JMJD1C: variants seen among roughly 807,000 people sequenced by gnomAD.
JMJD1C encodes jumonji domain containing 1C, also known as jumonji domain-containing protein 1C.
A neutral mutation model predicts 245.3 loss-of-function variants in JMJD1C; 31 were observed. That is an observed-to-expected ratio of 0.13 (90% CI 0.09 to 0.17). JMJD1C has a LOEUF of 0.17. JMJD1C is among the 10% of genes least tolerant of loss of function. The probability of loss-of-function intolerance (pLI) is 1.00; values close to 1 mark genes in which losing one functional copy is unlikely to be tolerated. For missense variants in JMJD1C, 2,691 were observed against 3,000.2 expected (o/e 0.90, Z 2.41); for synonymous variants, 1,057 against 1,017.4 (o/e 1.04, Z -0.74).
rs890746230 is a variant in JMJD1C, at chr10:63,202,814, G to A, written c.5075-2137C>T. ...AAATATTCAGAGCTTTTACAAGTTG[G>A]AATGAATGATAGAATTGTTATACTG... is the stretch of plus-strand genomic sequence containing the variant. On this transcript the variant is annotated intron_variant, in intron 10 of 25. Coordinates refer to ENST00000399262, the MANE Select transcript of JMJD1C (RefSeq NM_032776.3). 7 of 983,460 alleles carry A rather than the reference G, an allele frequency of 7.1e-6. No homozygotes were observed. The African/African-American group carries it at 1.0e-4, about 15-fold the overall frequency. 60.9% of individuals were successfully genotyped at this position (983,460 alleles called of 1,614,324 possible).
intron 2 of JMJD1C, among the ~76,000 whole-genome samples, chr10:63,316,551 G>A (rs1466249731): frequency 4.6e-5 from 7 of 152,010 alleles, no homozygotes; most frequent in Admixed American, 1.3e-4. Context: ...GTGTTCAAGC[G>A]ATTCTCCTGC....
intron 1 of JMJD1C, among the ~76,000 whole-genome samples, chr10:63,426,792 T>C (rs1950466894): frequency 6.6e-6 from 1 of 152,202 alleles, no homozygotes; most frequent in African/African-American, 2.4e-5. Flanking sequence ...CCACTAGTTT[T>C]AGAAGTCTTA....
chr10:63,181,698 C>T (rs1425084330), intron 22 of JMJD1C, among the ~76,000 whole-genome samples: 1 of 152,084 alleles, frequency 6.6e-6, no homozygotes, highest in Non-Finnish European at 1.5e-5. Context: ...GGGGGATATG[C>T]ATAAACAAAG....
intron 1 of JMJD1C, among the ~76,000 whole-genome samples, chr10:63,500,754 T>TGAATGGAC: frequency 6.7e-6 from 1 of 149,308 alleles, no homozygotes; most frequent in South Asian, 2.3e-4. Flanking sequence ...GAAGGATGGA[T>TGAATGGAC]GGATGGATGG....
At chr10:63,334,065 G>A (rs1356377902) in intron 2 of JMJD1C, among the ~76,000 whole-genome samples, 1 of 152,180 alleles carries the variant, frequency 6.6e-6, no homozygotes, top group Non-Finnish European at 1.5e-5. Context: ...TTCAGAGACT[G>A]TACTGACACA....
intron 2 of JMJD1C, among the ~76,000 whole-genome samples, chr10:63,273,808 G>C (rs1462057504): frequency 6.6e-6 from 1 of 152,106 alleles, no homozygotes; most frequent in African/African-American, 2.4e-5. Context: ...ATCAACACAG[G>C]TCAGAAGGTA....
At chr10:63,203,988 T>G (rs1341641887) in intron 10 of JMJD1C, 1 of 983,532 alleles carries the variant, frequency 1.0e-6, no homozygotes, top group African/African-American at 1.7e-5. Context: ...ACTCCCAACT[T>G]AAAGAACTTT....
chr10:63,377,361 G>GAAAGATCA (rs1356546307), intron 2 of JMJD1C, among the ~76,000 whole-genome samples: 1 of 152,102 alleles, frequency 6.6e-6, no homozygotes, highest in Admixed American at 6.6e-5. Context: ...TACTACCAAT[G>GAAAGATCA]ACCCGTGTAC....
chr10:63,279,462 T>C (rs539109134), intron 2 of JMJD1C, among the ~76,000 whole-genome samples: 1 of 152,098 alleles, frequency 6.6e-6, no homozygotes, highest in Non-Finnish European at 1.5e-5. Context: ...ACTACTCAAG[T>C]AGAATGTACA....
At chr10:63,182,733 A>C (rs1370755202) in intron 22 of JMJD1C, among the ~76,000 whole-genome samples, 1 of 152,174 alleles carries the variant, frequency 6.6e-6, no homozygotes, top group Non-Finnish European at 1.5e-5. Context: ...ATAGAAAGAG[A>C]AAAGACCCCC....
chr10:63,170,239 A>G (rs1458230062), intron 24 of JMJD1C, among the ~76,000 whole-genome samples: 2 of 152,150 alleles, frequency 1.3e-5, no homozygotes, highest in Non-Finnish European at 2.9e-5. Context: ...TAGTAAGTCC[A>G]ATGTCTGGGC....
chr10:63,427,389 C>A, intron 1 of JMJD1C: 1 of 1,099,662 alleles, frequency 9.1e-7, no homozygotes, highest in South Asian at 1.3e-5. Flanking sequence ...ATCCCTATAG[C>A]AAACATGTCT....
chr10:63,205,285 T>C (rs571945641), intron 10 of JMJD1C, among the ~76,000 whole-genome samples: 16 of 152,314 alleles, frequency 1.1e-4, no homozygotes, highest in African/African-American at 2.9e-4. Context: ...ATTAAATAGA[T>C]AGTAATTTCC....
intron 3 of JMJD1C, among the ~76,000 whole-genome samples, chr10:63,263,959 TACAC>T (rs746833882): frequency 0.072 from 6,009 of 82,886 alleles, 271 homozygotes; most frequent in East Asian, 0.14. Flanking sequence ...AAAATACACA[TACAC>T]ACACACACAC....
At chr10:63,257,939 G>A (rs555545833) in intron 3 of JMJD1C, among the ~76,000 whole-genome samples, 2 of 152,088 alleles carry the variant, frequency 1.3e-5, no homozygotes, top group East Asian at 3.9e-4. Flanking sequence ...AGAAAAAAAT[G>A]CTAAGAGTTC....
chr10:63,243,901 C>G (rs971058115), intron 3 of JMJD1C, among the ~76,000 whole-genome samples: 1 of 152,102 alleles, frequency 6.6e-6, no homozygotes, highest in Non-Finnish European at 1.5e-5. Flanking sequence ...ATCTGCAGTG[C>G]CCCTCCCAGC....
chr10:63,288,328 T>C (rs1858220412), intron 2 of JMJD1C, among the ~76,000 whole-genome samples: 1 of 152,234 alleles, frequency 6.6e-6, no homozygotes, highest in Non-Finnish European at 1.5e-5. Flanking sequence ...TAATAGCACA[T>C]TTCTTTTTAG....
At chr10:63,182,551 G>A (rs1036644389) in intron 22 of JMJD1C, among the ~76,000 whole-genome samples, 7 of 152,086 alleles carry the variant, frequency 4.6e-5, no homozygotes, top group African/African-American at 1.7e-4. Flanking sequence ...GCTTTCTTTC[G>A]AGAAAGAAAA....
chr10:63,177,482 A>G (rs895808447), intron 23 of JMJD1C: 3 of 495,038 alleles, frequency 6.1e-6, no homozygotes, highest in Non-Finnish European at 1.1e-5. Flanking sequence ...TTAACAGGGA[A>G]TGGAGGCACA....
Sources: allele counts gnomAD v4.1 joint callset (sites outside exome capture counted in the v4.1 genomes callset), GRCh38; gene constraint gnomAD v4.1.1; transcripts MANE v1.5; gene names NCBI Gene and HGNC (gene_info 2026-07-23, HGNC 2026-07-21).